The following ABAT variants were observed in gnomAD, a reference collection of about 807,000 sequenced individuals.
ABAT encodes 4-aminobutyrate aminotransferase.
Under a neutral mutation model 64.6 loss-of-function variants are expected in ABAT, and 45 were observed. The observed-to-expected ratio is 0.70, with a 90% CI of 0.55 to 0.89. ABAT has a LOEUF of 0.89. Ranked by LOEUF, ABAT falls within the 40% of genes least tolerant of loss-of-function variation. The pLI is 0.00. For synonymous variants in ABAT, 297 were observed against 250.5 expected, an observed-to-expected ratio of 1.19 and a Z score of -1.75; for missense variants, 633 against 658.4, an observed-to-expected ratio of 0.96 and a Z score of 0.42.
intron 2 of ABAT, among the ~76,000 whole-genome samples, chr16:8,745,657 C>A (rs776015148): frequency 4.6e-5 from 7 of 151,326 alleles, no homozygotes; most frequent in Non-Finnish European, 7.4e-5. Context: ...TTGTTGGGGC[C>A]AATGCACTCC....
intron 1 of ABAT, among the ~76,000 whole-genome samples, chr16:8,719,940 T>C (rs1370629335): frequency 1.3e-5 from 2 of 152,170 alleles, no homozygotes; most frequent in Non-Finnish European, 2.9e-5. Context: ...GCCTCCCAAG[T>C]AGCTGGAACT....
At chr16:8,719,509 C>T (rs889218663) in intron 1 of ABAT, among the ~76,000 whole-genome samples, 2 of 152,164 alleles carry the variant, frequency 1.3e-5, no homozygotes, top group East Asian at 1.9e-4. Flanking sequence ...ACGATGTGTT[C>T]GTTCTCCCTG....
chr16:8,682,782 C>T lies in ABAT; in HGVS notation c.-42+8071C>T, dbSNP rs75497630. Among the ~76,000 whole-genome samples, 845 of 152,326 alleles carry T rather than the reference C, an allele frequency of 5.5e-3. 6 individuals carry two copies. The highest frequency in any genetic ancestry group is 0.018 in the African/African-American group (736 of 41,578). ...CCCACTGTATTCTAGTACCTTACTA[C>T]TGAAAGTGTGGTCCAGCGGCCAGCA... On this transcript the variant is annotated intron_variant, in intron 1 of 15. Transcript: ENST00000268251.
Position 8,764,602 on chromosome 16 carries a change from G to A in ABAT, c.448-136G>A. 1 of 862,118 alleles carries A rather than the reference G, an allele frequency of 1.2e-6. No homozygotes were observed. The allele number at this position is 862,118 out of a possible 1,614,324, so 53.4% of individuals were successfully genotyped here. On this transcript the variant is annotated intron_variant, in intron 7 of 15. Coordinates refer to ENST00000268251, the MANE Select transcript of ABAT (RefSeq NM_020686.6). The surrounding 1 kb of genome is among the most constrained non-coding windows in gnomAD (Gnocchi z 4.2). ...GGAAAAGCCTGAGCCCACCCTCCCA[G>A]TCCGACACCTTCCAGGACAGCCCTG...
chr16:8,755,483 C>T (rs955066500), intron 5 of ABAT, among the ~76,000 whole-genome samples: 2 of 152,196 alleles, frequency 1.3e-5, no homozygotes, highest in South Asian at 2.1e-4. Flanking sequence ...CAAATGAGGT[C>T]GGCTGCTGAG....
intron 2 of ABAT, among the ~76,000 whole-genome samples, chr16:8,742,219 C>T (rs987583528): frequency 1.3e-5 from 2 of 152,168 alleles, no homozygotes; most frequent in African/African-American, 2.4e-5. Context: ...ATCGCAGTTC[C>T]ACTTGATCCC....
intron 11 of ABAT, among the ~76,000 whole-genome samples, chr16:8,771,544 T>C (rs1311926731): frequency 6.6e-6 from 1 of 150,848 alleles, no homozygotes; most frequent in Non-Finnish European, 1.5e-5. Flanking sequence ...TCTCGGCTCA[T>C]TGCAACTTCT....
intron 5 of ABAT, among the ~76,000 whole-genome samples, chr16:8,750,929 T>A (rs575637158): frequency 6.6e-6 from 1 of 150,736 alleles, no homozygotes; most frequent in East Asian, 2.0e-4. Context: ...AGGTGGGGAT[T>A]TCCTTTTTCC....
At chr16:8,720,680 G>A (rs1343027913) in intron 1 of ABAT, 4 of 152,302 alleles carry the variant, frequency 2.6e-5, no homozygotes, top group African/African-American at 9.6e-5. Flanking sequence ...GCAACCCCTG[G>A]CCTTGACAAC....
chr16:8,675,400 G>A (rs1040744479), intron 1 of ABAT, among the ~76,000 whole-genome samples: 2 of 151,940 alleles, frequency 1.3e-5, no homozygotes, highest in Admixed American at 1.3e-4. Flanking sequence ...ATACTCAGGA[G>A]CAGGGCAAAG....
chr16:8,695,165 C>T (rs1262846213), intron 1 of ABAT, among the ~76,000 whole-genome samples: 3 of 152,142 alleles, frequency 2.0e-5, no homozygotes, highest in Admixed American at 6.5e-5. Context: ...TGCTTGGGGA[C>T]GTCCTTTGCA....
intron 2 of ABAT, among the ~76,000 whole-genome samples, chr16:8,744,399 G>A (rs147190816): frequency 7.2e-5 from 11 of 151,900 alleles, no homozygotes; most frequent in South Asian, 4.2e-4. Context: ...ATGGAGTCTC[G>A]CTTTGTTACC....
intron 1 of ABAT, among the ~76,000 whole-genome samples, chr16:8,700,666 G>A (rs952255104): frequency 6.6e-6 from 1 of 152,176 alleles, no homozygotes; most frequent in Non-Finnish European, 1.5e-5. Flanking sequence ...CTTGATCATA[G>A]CTCCCCTGCA....
chr16:8,727,293 C>T (rs2058586993), intron 1 of ABAT, among the ~76,000 whole-genome samples: 1 of 152,136 alleles, frequency 6.6e-6, no homozygotes, highest in Non-Finnish European at 1.5e-5. Flanking sequence ...GAGTTGGCTC[C>T]AGATGACCGC....
chr16:8,747,799 T>C (rs373207006), intron 3 of ABAT, among the ~76,000 whole-genome samples: 1 of 152,196 alleles, frequency 6.6e-6, no homozygotes, highest in Non-Finnish European at 1.5e-5. Context: ...TAACAGAGAA[T>C]CTGTTTTTAT....
At position 8,764,065 on chromosome 16, in the gene ABAT, G is replaced by A. The variant is rs1273889220; in HGVS notation, c.367-4G>A. On this transcript the variant is annotated splice_region_variant and splice_polypyrimidine_tract_variant and intron_variant, in intron 6 of 15. Coordinates refer to ENST00000268251, the MANE Select transcript of ABAT (RefSeq NM_020686.6). This position sits in a 1 kb window ranked among gnomAD's most constrained non-coding sequence, Gnocchi z 4.2. Reference sequence around the variant, plus strand: ...GTCACCATTTGTCTCTTGCCCTTTTGCAGAGCATGTTTGTCAACAGACCCG... The same window carrying A: ...GTCACCATTTGTCTCTTGCCCTTTTACAGAGCATGTTTGTCAACAGACCCG... 1 of 1,613,840 alleles carries A rather than the reference G, an allele frequency of 6.2e-7. No individual in the cohort carries two copies. Among genetic ancestry groups the A allele is most frequent in the Non-Finnish European group, 8.5e-7 (1 of 1,179,908 alleles).
At chr16:8,750,037 G>C (rs1033383313) in intron 4 of ABAT, among the ~76,000 whole-genome samples, 9 of 152,162 alleles carry the variant, frequency 5.9e-5, no homozygotes, top group African/African-American at 2.2e-4. Context: ...TACTCATTTT[G>C]CATTAAGTGA....
intron 1 of ABAT, chr16:8,722,860 G>A: frequency 1.6e-6 from 2 of 1,289,038 alleles, no homozygotes; most frequent in Non-Finnish European, 2.0e-6. Flanking sequence ...CAAGGCTTGG[G>A]GAAAATGCTG....
At chr16:8,755,287 C>T (rs1045610937) in intron 5 of ABAT, among the ~76,000 whole-genome samples, 26 of 152,082 alleles carry the variant, frequency 1.7e-4, no homozygotes, top group African/African-American at 6.3e-4. Flanking sequence ...ACAAAGTGTC[C>T]CGGGCCTGTG....
Sources: gnomAD v4.1 joint callset for allele counts (sites outside exome capture counted in the v4.1 genomes callset) on GRCh38, gnomAD v4.1.1 for gene constraint, Gnocchi (gnomAD v3.1) non-coding constraint, MANE v1.5 for transcripts, NCBI Gene and HGNC (gene_info 2026-07-23, HGNC 2026-07-21) for gene names.